Variants in SLC35F1 observed in about 807,000 individuals in gnomAD.
The protein encoded by SLC35F1 is chromosome 6 open reading frame 169.
Under a neutral mutation model 48.7 loss-of-function variants are expected in SLC35F1, and 14 were observed. That is an observed-to-expected ratio of 0.29 (90% CI 0.19 to 0.45). SLC35F1 has a LOEUF of 0.45. Among genes scored for constraint, SLC35F1 ranks in the 20% least tolerant of loss-of-function variants. The pLI is 1.00. For synonymous variants in SLC35F1, 190 were observed against 202.2 expected (o/e 0.94, Z 0.51); for missense variants, 404 against 500.0 (o/e 0.81, Z 1.83).
At chr6:118,058,738 A>G (rs116338871) in intron 1 of SLC35F1, among the ~76,000 whole-genome samples, 1 of 152,198 alleles carries the variant, frequency 6.6e-6, no homozygotes, top group Non-Finnish European at 1.5e-5. Context: ...TTGTGAGAAT[A>G]GTTCTTAAAA....
chr6:117,947,844 C>T (rs1448280476), intron 1 of SLC35F1, among the ~76,000 whole-genome samples: 1 of 149,766 alleles, frequency 6.7e-6, no homozygotes, highest in Non-Finnish European at 1.5e-5. Flanking sequence ...GCCAAGCATA[C>T]ACTTTGAGAG....
At chr6:118,144,680 T>G (rs1222941465) in intron 1 of SLC35F1, among the ~76,000 whole-genome samples, 1 of 151,884 alleles carries the variant, frequency 6.6e-6, no homozygotes, top group Non-Finnish European at 1.5e-5. Flanking sequence ...GGGGGATATG[T>G]GATCCCCTAG....
intron 3 of SLC35F1, 125 bp downstream of exon 3, chr6:118,235,761 G>A: frequency 1.2e-6 from 1 of 867,570 alleles, no homozygotes; most frequent in Non-Finnish European, 1.6e-6. Context: ...TATACAGACT[G>A]CAGTATACAG....
chr6:118,159,807 G>A (rs1774202393), intron 2 of SLC35F1, among the ~76,000 whole-genome samples: 1 of 152,140 alleles, frequency 6.6e-6, no homozygotes, highest in Admixed American at 6.5e-5. Flanking sequence ...TCTCTTGTCT[G>A]TTATGACAAA....
chr6:118,181,468 T>C (rs999888093), intron 2 of SLC35F1, among the ~76,000 whole-genome samples: 1 of 151,902 alleles, frequency 6.6e-6, no homozygotes, highest in Non-Finnish European at 1.5e-5. Flanking sequence ...TAAAACCTAT[T>C]AGAGGGAAGA....
intron 1 of SLC35F1, among the ~76,000 whole-genome samples, chr6:118,125,266 A>T (rs1331953302): frequency 1.3e-5 from 2 of 151,986 alleles, no homozygotes; most frequent in African/African-American, 4.8e-5. Flanking sequence ...TACAGTAGTG[A>T]TGTGTCACTT....
chr6:118,055,429 C>A (rs1476256595), intron 1 of SLC35F1, among the ~76,000 whole-genome samples: 2 of 152,112 alleles, frequency 1.3e-5, no homozygotes, highest in Non-Finnish European at 2.9e-5. Context: ...AGAAAAGCCT[C>A]TTTCTTGGCC....
rs769923966 is a variant in SLC35F1, at chr6:118,267,022, G to A, written c.505G>A (p.Val169Met). Residue 169 changes from valine to methionine, a missense_variant, in exon 4 of 8, where the codon GTG becomes ATG. Physicochemically the swap from Val to Met is conservative, Grantham distance 21. Transcript: ENST00000360388. ...QLLDCFVIPV[V>M]ILLSWFFLLI... ...CCTGGACTGTTTTGTGATCCCAGTC[G>A]TGATTTTGCTCTCCTGGTTCTTCCT... The A allele has an allele frequency of 5.6e-6, 9 of 1,613,812 alleles. No homozygotes were observed. The highest frequency in any genetic ancestry group is 1.1e-5 in the South Asian group (1 of 91,072).
At chr6:118,009,541 C>T (rs1227178480) in intron 1 of SLC35F1, among the ~76,000 whole-genome samples, 1 of 152,134 alleles carries the variant, frequency 6.6e-6, no homozygotes, top group Non-Finnish European at 1.5e-5. Flanking sequence ...CCTTCAGGTC[C>T]CTGTGCCTCC....
At chr6:118,115,248 G>A (rs1773461098) in intron 1 of SLC35F1, among the ~76,000 whole-genome samples, 2 of 152,136 alleles carry the variant, frequency 1.3e-5, no homozygotes, top group Admixed American at 6.6e-5. Flanking sequence ...ATGAAGGGAA[G>A]ATTTGTAGAG....
chr6:118,200,243 A>G (rs1189911873), intron 2 of SLC35F1, among the ~76,000 whole-genome samples: 1 of 152,186 alleles, frequency 6.6e-6, no homozygotes, highest in East Asian at 1.9e-4. Flanking sequence ...AGTGGCAAAA[A>G]CAGATTTTAT....
chr6:118,258,007 AT>A (rs995574178), intron 3 of SLC35F1, among the ~76,000 whole-genome samples: 1 of 152,088 alleles, frequency 6.6e-6, no homozygotes, highest in African/African-American at 2.4e-5. Flanking sequence ...CACTCTGATT[AT>A]TTTTTTCATG....
At position 118,169,869 on chromosome 6, in the gene SLC35F1, A is replaced by G. The variant is rs561785736; in HGVS notation, c.349+15249A>G. Among the ~76,000 whole-genome samples the G allele has an allele frequency of 2.0e-5, 3 of 152,332 alleles. 1 individual carries two copies. The highest frequency in any genetic ancestry group is 4.1e-4 in the South Asian group (2 of 4,830). ...GCTCTATTCTGTGAGCCAAAATAAG[A>G]TCTTTTAATAAGGATTCAAAGAAAC... On this transcript the variant is annotated intron_variant, in intron 2 of 7. Transcript: ENST00000360388.
chr6:118,087,011 G>A (rs1376907296), intron 1 of SLC35F1, among the ~76,000 whole-genome samples: 2 of 152,088 alleles, frequency 1.3e-5, no homozygotes, highest in African/African-American at 2.4e-5. Flanking sequence ...TGTGTTCTTT[G>A]TTCCCCAGTC....
intron 1 of SLC35F1, among the ~76,000 whole-genome samples, chr6:118,011,590 C>A (rs1777247444): frequency 6.6e-6 from 1 of 152,114 alleles, no homozygotes; most frequent in Admixed American, 6.6e-5. Flanking sequence ...AATTGCGGAA[C>A]CAAGATTTCT....
At chr6:118,282,209 TTAATGTCCATTAACTATC>T (rs1214982408) in intron 6 of SLC35F1, among the ~76,000 whole-genome samples, 2 of 152,226 alleles carry the variant, frequency 1.3e-5, no homozygotes, top group Non-Finnish European at 2.9e-5. Context: ...AGAGGCATTG[TTAATGTCCATTAACTATC>T]TAATGTCCAT....
At chr6:118,116,794 C>T (rs1168635460) in intron 1 of SLC35F1, among the ~76,000 whole-genome samples, 1 of 152,034 alleles carries the variant, frequency 6.6e-6, no homozygotes, top group Non-Finnish European at 1.5e-5. Flanking sequence ...AAATTTTGAC[C>T]CATGACTTTG....
intron 3 of SLC35F1, among the ~76,000 whole-genome samples, chr6:118,260,581 AC>A (rs929893024): frequency 2.2e-4 from 33 of 152,272 alleles, no homozygotes; most frequent in Admixed American, 1.4e-3. Flanking sequence ...CAGTCACACA[AC>A]AAAAAATTAT....
rs79266907 is a variant in SLC35F1 at position 118,277,043 on chromosome 6, T to G, written c.795-451T>G. Among the ~76,000 whole-genome samples the G allele has an allele frequency of 8.8e-3, 1,341 of 152,240 alleles. 13 individuals carry two copies. Among genetic ancestry groups the G allele is most frequent in the African/African-American group, 0.03 (1,254 of 41,528 alleles). Reference sequence around the variant, plus strand: ...GATCTCTGAATCAGAATCCCTAGGGTTGGGACCAGGAAACAGTGTATTTTA... The same window carrying G: ...GATCTCTGAATCAGAATCCCTAGGGGTGGGACCAGGAAACAGTGTATTTTA... On this transcript the variant is annotated intron_variant, in intron 5 of 7. Coordinates refer to ENST00000360388, the MANE Select transcript of SLC35F1 (RefSeq NM_001029858.4).
Sources: gnomAD v4.1 joint callset for allele counts (sites outside exome capture counted in the v4.1 genomes callset) on GRCh38, gnomAD v4.1.1 for gene constraint, MANE v1.5 for transcripts, NCBI Gene and HGNC (gene_info 2026-07-23, HGNC 2026-07-21) for gene names.